The following NKAIN3 variants were observed in gnomAD, a reference collection of about 807,000 sequenced individuals.
NKAIN3 encodes sodium/potassium transporting ATPase interacting 3.
Under a neutral mutation model 30.2 loss-of-function variants are expected in NKAIN3, and 25 were observed. That is an observed-to-expected ratio of 0.83 (90% CI 0.60 to 1.16). The LOEUF (loss-of-function observed/expected upper bound fraction) is 1.16, where lower values mean the gene tolerates loss of function less well. NKAIN3 is among the 50% of genes most tolerant of loss of function. The pLI, the probability that NKAIN3 is intolerant of heterozygous loss-of-function variation, is 0.00. For synonymous variants in NKAIN3, 91 were observed against 89.6 expected (o/e 1.02, Z -0.09); for missense variants, 225 against 254.1 (o/e 0.89, Z 0.78).
intron 4 of NKAIN3, among the ~76,000 whole-genome samples, chr8:62,792,738 T>A (rs1001384621): frequency 2.0e-5 from 3 of 152,066 alleles, no homozygotes; most frequent in Non-Finnish European, 4.4e-5. Context: ...TGAATAAGTC[T>A]TGAAAGATGA....
At chr8:62,309,328 TA>T (rs1814353914) in intron 1 of NKAIN3, among the ~76,000 whole-genome samples, 1 of 150,528 alleles carries the variant, frequency 6.6e-6, no homozygotes, top group South Asian at 2.1e-4. Flanking sequence ...CATATGACTA[TA>T]AAAAGCATCC....
At chr8:62,920,482 T>C (rs1822246671) in intron 5 of NKAIN3, among the ~76,000 whole-genome samples, 1 of 152,190 alleles carries the variant, frequency 6.6e-6, no homozygotes, top group South Asian at 2.1e-4. Flanking sequence ...GCATGTAAAA[T>C]AAAAGACTCA....
chr8:62,992,163 A>G (rs1824335162), intron 5 of NKAIN3, among the ~76,000 whole-genome samples: 1 of 151,630 alleles, frequency 6.6e-6, no homozygotes, highest in Admixed American at 6.6e-5. Flanking sequence ...ACAGGCATGC[A>G]CCACCACACC....
At chr8:62,674,928 C>A (rs895764325) in intron 3 of NKAIN3, among the ~76,000 whole-genome samples, 3 of 152,216 alleles carry the variant, frequency 2.0e-5, no homozygotes, top group Admixed American at 1.3e-4. Flanking sequence ...TCCAGTTCTT[C>A]AGTCAACATT....
intron 1 of NKAIN3, among the ~76,000 whole-genome samples, chr8:62,393,751 A>G (rs963107128): frequency 6.6e-6 from 1 of 152,104 alleles, no homozygotes; most frequent in South Asian, 2.1e-4. Context: ...TTCCATTTAG[A>G]TAAGCCTTAA....
intron 1 of NKAIN3, among the ~76,000 whole-genome samples, chr8:62,566,955 G>GAT: frequency 6.6e-6 from 1 of 151,986 alleles, no homozygotes; most frequent in Non-Finnish European, 1.5e-5. Context: ...TAGTATATAG[G>GAT]ATATATATAC....
chr8:62,390,133 T>A lies in NKAIN3; in HGVS notation c.54+141006T>A, dbSNP rs117350795. Among the ~76,000 whole-genome samples, 1,114 of 152,256 alleles carry A rather than the reference T, an allele frequency of 7.3e-3. 11 individuals carry two copies. The highest frequency in any genetic ancestry group is 0.013 in the Non-Finnish European group (888 of 68,004). On this transcript the variant is annotated intron_variant, in intron 1 of 6. Transcript: ENST00000623646. ...GTCATGGGGTTTTTTGTGCAATTAT[T>A]TTGTCACCCAGGTTTTAGGTCTAGT...
At chr8:62,593,557 G>A (rs527797470) in intron 3 of NKAIN3, among the ~76,000 whole-genome samples, 2 of 151,500 alleles carry the variant, frequency 1.3e-5, no homozygotes, top group South Asian at 4.2e-4. Flanking sequence ...AAAAAAAGAA[G>A]AAACAATACA....
intron 1 of NKAIN3, among the ~76,000 whole-genome samples, chr8:62,294,758 TG>T (rs1813771322): frequency 6.6e-6 from 1 of 152,148 alleles, no homozygotes; most frequent in South Asian, 2.1e-4. Context: ...TTTCCCAGGC[TG>T]GTCTCCAACT....
At chr8:62,444,061 T>A (rs1344146375) in intron 1 of NKAIN3, among the ~76,000 whole-genome samples, 1 of 152,194 alleles carries the variant, frequency 6.6e-6, no homozygotes, top group Non-Finnish European at 1.5e-5. Flanking sequence ...CTATACTCTT[T>A]ACCACTATGA....
At chr8:62,541,094 G>A (rs1808824931) in intron 1 of NKAIN3, among the ~76,000 whole-genome samples, 1 of 152,034 alleles carries the variant, frequency 6.6e-6, no homozygotes, top group Admixed American at 6.6e-5. Context: ...GGGATCACTT[G>A]AGGTCAGGAG....
Position 62,929,741 on chromosome 8 carries a change from C to T in NKAIN3, c.532+11228C>T, listed in dbSNP as rs371789767. 3.9e-5 allele frequency among the ~76,000 whole-genome samples: 6 copies of T among 152,218 alleles called. 1 individual carries two copies. The highest frequency in any genetic ancestry group is 2.4e-5 in the African/African-American group (1 of 41,536). ...TTTTTTGTTTTTTTAAGCTCTAAATCAAGCTTGTCCAACCCGCAGCCCATG... is the reference window on the plus strand; with the variant it reads ...TTTTTTGTTTTTTTAAGCTCTAAATTAAGCTTGTCCAACCCGCAGCCCATG... On this transcript the variant is annotated intron_variant, in intron 5 of 6. Transcript: ENST00000623646.
chr8:62,500,925 C>T (rs1807429617), intron 1 of NKAIN3, among the ~76,000 whole-genome samples: 2 of 152,236 alleles, frequency 1.3e-5, no homozygotes, highest in South Asian at 4.2e-4. Flanking sequence ...ATGATGCACG[C>T]CATCATAACG....
chr8:62,918,331 T>A (rs542242737), intron 4 of NKAIN3, 122 bp from the exon 5 acceptor site: 1 of 719,374 alleles, frequency 1.4e-6, no homozygotes, highest in Non-Finnish European at 2.4e-6. Flanking sequence ...TTTAAAAGAG[T>A]TTTTCCACTG....
chr8:62,806,827 T>A (rs1818303891), intron 4 of NKAIN3, among the ~76,000 whole-genome samples: 2 of 151,168 alleles, frequency 1.3e-5, no homozygotes, highest in Non-Finnish European at 1.5e-5. Flanking sequence ...TAAAATAATA[T>A]AAAAAAATAA....
In NKAIN3 at chr8:62,978,960, A is replaced by G. The variant is rs1824013718; in HGVS notation, c.*13553A>G. ...TGGTCCCTCATGGCTTCCCTTGGCT[A>G]GGGGAGGGAGTTCCCCAACCCCTTG... On this transcript the variant is annotated 3_prime_UTR_variant, in exon 7 of 7. Transcript: ENST00000623646. The G allele has an allele frequency of 6.5e-6, 1 of 152,776 alleles. No individual in the cohort carries two copies. Among genetic ancestry groups the G allele is most frequent in the Non-Finnish European group, 1.5e-5 (1 of 68,170 alleles). 9.5% of individuals were successfully genotyped at this position (152,776 alleles called of 1,614,324 possible).
chr8:62,698,996 T>TG (rs1355835625), intron 3 of NKAIN3, among the ~76,000 whole-genome samples: 3 of 152,220 alleles, frequency 2.0e-5, no homozygotes, highest in East Asian at 3.9e-4. Context: ...GAATGAGTCC[T>TG]GGACAATTAT....
At chr8:62,840,847 G>A (rs1217806597) in intron 4 of NKAIN3, among the ~76,000 whole-genome samples, 4 of 152,226 alleles carry the variant, frequency 2.6e-5, no homozygotes, top group African/African-American at 9.6e-5. Context: ...ATCAAACCAT[G>A]CCTCTGTTGT....
At chr8:62,665,870 C>T (rs536826793) in intron 3 of NKAIN3, among the ~76,000 whole-genome samples, 4 of 152,194 alleles carry the variant, frequency 2.6e-5, no homozygotes, top group African/African-American at 7.2e-5. Context: ...GTCTTTCAAA[C>T]GTTTAACCAT....
Sources: gnomAD v4.1 joint callset for allele counts (sites outside exome capture counted in the v4.1 genomes callset) on GRCh38, gnomAD v4.1.1 for gene constraint, MANE v1.5 for transcripts, NCBI Gene and HGNC (gene_info 2026-07-23, HGNC 2026-07-21) for gene names.